The following SLC25A24 variants were observed in gnomAD, a reference collection of about 807,000 sequenced individuals.
The protein encoded by SLC25A24 is mitochondrial adenyl nucleotide antiporter SLC25A24.
Under a neutral mutation model 60.7 loss-of-function variants are expected in SLC25A24, and 49 were observed. The ratio of observed to expected loss-of-function variants is 0.81; its 90% confidence interval spans 0.64 to 1.02. The LOEUF (loss-of-function observed/expected upper bound fraction) is 1.02, where lower values mean the gene tolerates loss of function less well. Ranked by LOEUF, SLC25A24 falls within the 50% of genes least tolerant of loss-of-function variation. SLC25A24 has a pLI of 0.00. For synonymous variants in SLC25A24, 202 were observed against 200.6 expected, an observed-to-expected ratio of 1.01 and a Z score of -0.06; for missense variants, 564 against 586.3, an observed-to-expected ratio of 0.96 and a Z score of 0.39.
chr1:108,196,386 A>G (rs1053046394), intron 1 of SLC25A24, among the ~76,000 whole-genome samples: 1 of 152,196 alleles, frequency 6.6e-6, no homozygotes, highest in Non-Finnish European at 1.5e-5. Flanking sequence ...TCTGCAACAT[A>G]TGACCTTGTT....
At chr1:108,195,234 G>T (rs533545404) in intron 1 of SLC25A24, among the ~76,000 whole-genome samples, 2 of 152,276 alleles carry the variant, frequency 1.3e-5, no homozygotes, top group Admixed American at 6.5e-5. Context: ...AGATTATAAA[G>T]GTGAGTTGGG....
chr1:108,179,081 C>A (rs1647816745), intron 3 of SLC25A24, among the ~76,000 whole-genome samples: 1 of 137,792 alleles, frequency 7.3e-6, no homozygotes, highest in Non-Finnish European at 1.6e-5. Flanking sequence ...CAAAAAACCC[C>A]AATAGACATT....
rs1231624711 is a variant in SLC25A24 at position 108,191,058 on chromosome 1, T to C, written c.184-5104A>G. Among the ~76,000 whole-genome samples, 2 of 140,654 alleles carry C rather than the reference T, an allele frequency of 1.4e-5. 1 individual carries two copies. Among genetic ancestry groups the C allele is most frequent in the African/African-American group, 4.9e-5 (2 of 40,412 alleles). 92.3% of individuals were successfully genotyped at this position (140,654 alleles called of 152,430 possible). A position where few individuals can be genotyped will look rare whatever the true frequency, so the allele number is the denominator to read the frequency against. ...CAGAATTTCTTATGAAAGGCTAGTT[T>C]GTATCAAATAAACAAATACAACTTA... is the stretch of plus-strand genomic sequence containing the variant. On this transcript the variant is annotated intron_variant, in intron 1 of 9. Transcript: ENST00000565488.
At chr1:108,183,127 A>G (rs536494668) in intron 2 of SLC25A24, among the ~76,000 whole-genome samples, 1 of 152,202 alleles carries the variant, frequency 6.6e-6, no homozygotes, top group Non-Finnish European at 1.5e-5. Context: ...GAAGCAGCAT[A>G]AACAGCTGAC....
intron 8 of SLC25A24, 148 bp from the exon 9 acceptor site, chr1:108,139,356 G>GT: frequency 1.2e-6 from 1 of 802,994 alleles, no homozygotes; most frequent in Non-Finnish European, 1.9e-6. Flanking sequence ...GCAGGAGGCG[G>GT]TGACTCTGTG....
intron 3 of SLC25A24, among the ~76,000 whole-genome samples, chr1:108,166,193 G>A (rs940344382): frequency 2.0e-5 from 3 of 152,192 alleles, no homozygotes; most frequent in African/African-American, 7.2e-5. Context: ...CCATTTGAGG[G>A]TAACCCGACC....
At chr1:108,157,436 C>A (rs1363555792) in intron 5 of SLC25A24, 26 bp downstream of exon 5, 17 of 1,602,194 alleles carry the variant, frequency 1.1e-5, no homozygotes, top group Non-Finnish European at 1.5e-5. Flanking sequence ...TTAGGGCAAA[C>A]CTGGACACAC....
intron 1 of SLC25A24, among the ~76,000 whole-genome samples, chr1:108,186,787 G>A (rs1223963734): frequency 6.6e-6 from 1 of 151,920 alleles, no homozygotes; most frequent in African/African-American, 2.4e-5. Flanking sequence ...GGTAAATAAT[G>A]CCAAGTTGGG....
chr1:108,170,612 A>C (rs1647429024), intron 3 of SLC25A24, among the ~76,000 whole-genome samples: 1 of 152,070 alleles, frequency 6.6e-6, no homozygotes, highest in South Asian at 2.1e-4. Flanking sequence ...TTTATCAACC[A>C]GCTTAAAAAT....
At chr1:108,137,647 A>G (rs1679326755) in intron 9 of SLC25A24, among the ~76,000 whole-genome samples, 1 of 152,238 alleles carries the variant, frequency 6.6e-6, no homozygotes, top group Non-Finnish European at 1.5e-5. Context: ...TCAGCCATAG[A>G]CAATCTATCA....
rs775932085 is a variant in SLC25A24 at position 108,148,363 on chromosome 1, T to C, written c.846A>G (p.Glu282=). ...YEQYKKLLTE[E]GQKIGTFERF... ...TCTCAAATGTTCCTATTTTTTGTCC[T>C]TCTTCAGTAAGTAACTTCTTGTACT... The change falls in exon 7 of 10, where the codon GAA becomes GAG. Residue 282 remains glutamate (E), a synonymous_variant. Coordinates refer to ENST00000565488, the MANE Select transcript of SLC25A24 (RefSeq NM_013386.5). 6.2e-7 allele frequency: 1 copy of C among 1,610,560 alleles called. No individual in the cohort carries two copies. Among genetic ancestry groups the C allele is most frequent in the East Asian group, 2.2e-5 (1 of 44,866 alleles).
chr1:108,180,648 C>T (rs1057295877), intron 3 of SLC25A24, among the ~76,000 whole-genome samples: 2 of 148,534 alleles, frequency 1.3e-5, no homozygotes, highest in Non-Finnish European at 3.0e-5. Flanking sequence ...CTCTCTCTCT[C>T]TCTCTCTCTC....
intron 9 of SLC25A24, 41 bp from the exon 10 acceptor site, chr1:108,136,878 G>C: frequency 6.5e-7 from 1 of 1,535,806 alleles, no homozygotes; most frequent in African/African-American, 1.4e-5. Context: ...ATTCAAGTAT[G>C]TTTCATTATT....
At chr1:108,177,153 G>C (rs908163224) in intron 3 of SLC25A24, among the ~76,000 whole-genome samples, 1 of 150,940 alleles carries the variant, frequency 6.6e-6, no homozygotes, top group Non-Finnish European at 1.5e-5. Flanking sequence ...TTGTTTTGGG[G>C]GGTTTTTGCA....
intron 7 of SLC25A24, among the ~76,000 whole-genome samples, chr1:108,144,346 A>G (rs187010933): frequency 6.6e-6 from 1 of 152,288 alleles, no homozygotes; most frequent in Non-Finnish European, 1.5e-5. Flanking sequence ...TTTCCTGTAA[A>G]GACTAAATAG....
At chr1:108,170,852 G>T (rs1027895823) in intron 3 of SLC25A24, among the ~76,000 whole-genome samples, 3 of 151,962 alleles carry the variant, frequency 2.0e-5, no homozygotes, top group Admixed American at 6.6e-5. Flanking sequence ...ACTAAACTGA[G>T]AAAGTCCTAA....
intron 1 of SLC25A24, among the ~76,000 whole-genome samples, chr1:108,189,865 T>TA (rs113505408): frequency 0.26 from 37,497 of 145,438 alleles, 5,699 homozygotes; most frequent in African/African-American, 0.4. Context: ...AAAAAAAAAT[T>TA]AAAAAATATA....
chr1:108,187,161 T>C (rs572796390), intron 1 of SLC25A24, among the ~76,000 whole-genome samples: 3 of 152,142 alleles, frequency 2.0e-5, no homozygotes, highest in South Asian at 2.1e-4. Flanking sequence ...ACCTCCAGAC[T>C]GAGAGACAGA....
intron 1 of SLC25A24, among the ~76,000 whole-genome samples, chr1:108,189,170 T>C (rs1381474199): frequency 1.3e-5 from 2 of 151,966 alleles, no homozygotes; most frequent in East Asian, 3.9e-4. Flanking sequence ...TTTTGAACAG[T>C]TTTTTTTAAC....
Sources: allele counts gnomAD v4.1 joint callset (sites outside exome capture counted in the v4.1 genomes callset), GRCh38; gene constraint gnomAD v4.1.1; transcripts MANE v1.5; gene names NCBI Gene and HGNC (gene_info 2026-07-23, HGNC 2026-07-21).